ALDH3B2: variants seen among roughly 807,000 people sequenced by gnomAD.
The protein encoded by ALDH3B2 is aldehyde dehydrogenase 3 family member B2, also known as aldehyde dehydrogenase family 3 member B2.
A neutral mutation model predicts 36.7 loss-of-function variants in ALDH3B2; 45 were observed. The ratio of observed to expected loss-of-function variants is 1.23; its 90% CI spans 0.97 to 1.57. The LOEUF is 1.57. Among genes scored for constraint, ALDH3B2 ranks in the 40% most tolerant of loss-of-function variants. ALDH3B2 has a pLI of 0.00. For synonymous variants in ALDH3B2, 217 were observed against 226.5 expected (o/e 0.96, Z 0.38); for missense variants, 464 against 513.3 (o/e 0.90, Z 0.93).
rs1855941931 is a variant in ALDH3B2, at chr11:67,667,036, C to T, written c.-81-20G>A. 1 of 1,483,664 alleles carries T rather than the reference C, an allele frequency of 6.7e-7. No individual in the cohort carries two copies. Among genetic ancestry groups the T allele is most frequent in the African/African-American group, 1.4e-5 (1 of 73,040 alleles). 91.9% of individuals were successfully genotyped at this position (1,483,664 alleles called of 1,614,324 possible). On this transcript the variant is annotated intron_variant, in intron 2 of 9. Transcript: ENST00000349015. ...AGCTGGCTGTGGTGGAGGTGGAATT[C>T]AGAGTGGTCAGGCCCAGACCTGGGC...
upstream of ALDH3B2, among the ~76,000 whole-genome samples, chr11:67,677,224 A>T (rs111593447): frequency 1.9e-3 from 290 of 152,196 alleles, no homozygotes; most frequent in African/African-American, 6.8e-3. Flanking sequence ...AGCTAACCGA[A>T]TTCAACACCA....
At chr11:67,675,765 G>C (rs1212106067), upstream of ALDH3B2, among the ~76,000 whole-genome samples, 1 of 152,230 alleles carries the variant, frequency 6.6e-6, no homozygotes, top group Non-Finnish European at 1.5e-5. Flanking sequence ...CAGCAGATGG[G>C]TTATGGCCAC....
At chr11:67,677,869 C>CA (rs531620755), upstream of ALDH3B2, among the ~76,000 whole-genome samples, 72 of 151,690 alleles carry the variant, frequency 4.7e-4, no homozygotes, top group African/African-American at 1.6e-3. Context: ...AAAAAACAAA[C>CA]AAAAAAACAA....
At chr11:67,672,085 A>ATATATATATATATATATATG (rs1398899805) in intron 1 of ALDH3B2, among the ~76,000 whole-genome samples, 2 of 52,838 alleles carry the variant, frequency 3.8e-5, no homozygotes, top group Non-Finnish European at 7.3e-5. Context: ...ATATATATAT[A>ATATATATATATATATATATG]TATGTATGTA....
At chr11:67,663,909 G>T in intron 8 of ALDH3B2, 148 bp from the exon 9 acceptor site, 1 of 660,112 alleles carries the variant, frequency 1.5e-6, no homozygotes. Flanking sequence ...CATCTTCTGG[G>T]GACAGCACCC....
At chr11:67,665,420 A>T (rs551384094) in exon 7 of ALDH3B2, 1 of 1,614,038 alleles carries the variant, frequency 6.2e-7, no homozygotes, top group East Asian at 2.2e-5. Flanking sequence ...TCGTCGCCAT[A>T]GAAACGGGTG....
intron 1 of ALDH3B2, among the ~76,000 whole-genome samples, chr11:67,680,568 C>T (rs1213254688): frequency 6.6e-6 from 1 of 152,110 alleles, no homozygotes; most frequent in Non-Finnish European, 1.5e-5. Flanking sequence ...AGGCACACAC[C>T]ACCAGGCTCT....
rs1455808293 is a variant in ALDH3B2, at chr11:67,667,360, A to G, written c.-82+113T>C. ...ACATGCCAGGGAGGGGGTCTGTTAA[A>G]CAAACAGGAATAAAACTAGGGACAT... On this transcript the variant is annotated intron_variant, in intron 2 of 9. Coordinates refer to ENST00000349015, the Ensembl canonical transcript of ALDH3B2. 20 of 368,500 alleles carry G rather than the reference A, an allele frequency of 5.4e-5. No homozygotes were observed. The Admixed American group carries it at 7.4e-4, about 14-fold the overall frequency. The allele number at this position is 368,500 out of a possible 1,614,324, so 22.8% of individuals were successfully genotyped here.
intron 1 of ALDH3B2, among the ~76,000 whole-genome samples, chr11:67,669,672 G>T (rs529107761): frequency 6.7e-6 from 1 of 148,604 alleles, no homozygotes; most frequent in African/African-American, 2.5e-5. Context: ...GTATGGGTGT[G>T]TCTGTATGTG....
At chr11:67,665,869 T>C (rs1234104884) in intron 6 of ALDH3B2, among the ~76,000 whole-genome samples, 198 bp from the exon 7 acceptor site, 5 of 152,128 alleles carry the variant, frequency 3.3e-5, no homozygotes, top group Non-Finnish European at 7.4e-5. Context: ...TCATAGAAAG[T>C]CCTGGCCCGC....
chr11:67,680,951 G>A (rs1856357472), intron 1 of ALDH3B2, among the ~76,000 whole-genome samples: 2 of 152,114 alleles, frequency 1.3e-5, no homozygotes, highest in Non-Finnish European at 2.9e-5. Context: ...AGGGTTTGAG[G>A]GATATTGTTA....
Position 67,664,395 on chromosome 11 carries a change from C to A in ALDH3B2, c.873+1G>T. 6.2e-7 allele frequency: 1 copy of A among 1,614,112 alleles called. No homozygotes were observed. Among genetic ancestry groups the A allele is most frequent in the Non-Finnish European group, 8.5e-7 (1 of 1,180,014 alleles). ...TGCCCCCAACCCGGCCGCACCCCCA[C>A]CTGGCTGCTGTTGGAGAAGGCGTAC... On this transcript the variant is annotated splice_donor_variant, in intron 8 of 9. Coordinates refer to ENST00000349015, the Ensembl canonical transcript of ALDH3B2. LOFTEE classifies it high-confidence loss of function.
intron 8 of ALDH3B2, 187 bp downstream of exon 8, chr11:67,664,209 G>A: frequency 1.1e-6 from 1 of 892,430 alleles, no homozygotes; most frequent in Non-Finnish European, 1.7e-6. Context: ...GTGTCTGGTG[G>A]GTTTGGACCC....
chr11:67,679,308 A>G (rs182360522), upstream of ALDH3B2, among the ~76,000 whole-genome samples: 15 of 152,186 alleles, frequency 9.9e-5, no homozygotes, highest in African/African-American at 1.4e-4. Context: ...TCTCTACTAA[A>G]AATACAAAAA....
At chr11:67,676,829 C>T (rs1856282238), upstream of ALDH3B2, among the ~76,000 whole-genome samples, 1 of 152,102 alleles carries the variant, frequency 6.6e-6, no homozygotes, top group Non-Finnish European at 1.5e-5. Flanking sequence ...AACACCTTTA[C>T]ACACATAAAC....
Position 67,663,249 on chromosome 11 carries a change from C to A in ALDH3B2, c.1124G>T (p.Trp375Leu), listed in dbSNP as rs12278968. The stretch of plus-strand genomic sequence containing the variant: ...GGTGCAGCTCTGGGAGCCCATGCCC[C>A]AGCGTAACAGCTGCTGGTTCCAGTC... The change falls in exon 10 of 10, where the codon TGG becomes TTG. Residue 375 changes from tryptophan (W) to leucine (L), a missense_variant. Physicochemically the swap from Trp to Leu is moderately conservative, Grantham distance 61 (BLOSUM62 -2). Transcript: ENST00000349015. 9.1e-4 allele frequency: 1,463 copies of A among 1,613,040 alleles called. 12 individuals are homozygous for A. The African/African-American group carries it at 0.017, about 19-fold the overall frequency.
chr11:67,666,814 A>T, intron 3 of ALDH3B2, 92 bp downstream of exon 3: 1 of 1,608,752 alleles, frequency 6.2e-7, no homozygotes, highest in East Asian at 2.2e-5. Flanking sequence ...AAAATCAGTG[A>T]CTCGCCCGGG....
Position 67,666,905 on chromosome 11 carries a change from C to T in ALDH3B2, c.30+1G>A. The T allele has an allele frequency of 6.2e-7, 1 of 1,614,216 alleles. No homozygotes were observed. The highest frequency in any genetic ancestry group is 8.5e-7 in the Non-Finnish European group (1 of 1,180,036). ...TCCTGCCGCCTGCCAGCAGGGCTCA[C>T]CAGGTTCGTGGACCGTGGTTCATCC... On this transcript the variant is annotated splice_donor_variant, in intron 3 of 9. Coordinates refer to ENST00000349015, the Ensembl canonical transcript of ALDH3B2. LOFTEE classifies it high-confidence loss of function.
At chr11:67,665,242 G>A (rs1465385167) in intron 7 of ALDH3B2, 43 bp downstream of exon 7, 1 of 1,549,232 alleles carries the variant, frequency 6.5e-7, no homozygotes, top group Non-Finnish European at 8.7e-7. Context: ...CATTGAGAAA[G>A]GGTCTTGGCC....
Sources: allele counts gnomAD v4.1 joint callset (sites outside exome capture counted in the v4.1 genomes callset), GRCh38; gene constraint gnomAD v4.1.1; transcripts MANE v1.5; gene names NCBI Gene and HGNC (gene_info 2026-07-23, HGNC 2026-07-21).